HEMK1: variants seen among roughly 807,000 people sequenced by gnomAD.
HEMK1 encodes the protein HemK methyltransferase 1, mitochondrial release factors N(5)-glutamine.
Under a neutral mutation model 47.9 loss-of-function variants are expected in HEMK1, and 36 were observed. The observed-to-expected ratio is 0.75, with a 90% CI of 0.58 to 0.99. HEMK1 has a LOEUF of 0.99. HEMK1 is among the 50% of genes least tolerant of loss of function. The pLI is 0.00. For missense variants in HEMK1, 383 were observed against 434.5 expected (o/e 0.88, Z 1.05); for synonymous variants, 153 against 165.4 (o/e 0.93, Z 0.57).
intron 1 of HEMK1, 174 bp downstream of exon 1, chr3:50,569,748 C>G (rs1027803975): frequency 1.3e-4 from 20 of 152,326 alleles, no homozygotes; most frequent in African/African-American, 4.8e-4. Flanking sequence ...CTTCTGACTT[C>G]GGGCCTTGGC....
At position 50,577,197 on chromosome 3, in the gene HEMK1, C is replaced by T. The variant is rs1701679447; in HGVS notation, c.549+11C>T. 1.9e-6 allele frequency: 3 copies of T among 1,606,764 alleles called. No individual in the cohort carries two copies. The highest frequency in any genetic ancestry group is 2.7e-5 in the African/African-American group (2 of 74,564). On this transcript the variant is annotated intron_variant, in intron 5 of 10. Transcript: ENST00000232854. ...AGCCAGCTCCCCCAGGTGAGCCCCT[C>T]CACCCACTCTGGATAGACTGTGACT...
At chr3:50,579,057 C>T (rs2030310175) in intron 8 of HEMK1, 131 bp downstream of exon 8, 2 of 649,234 alleles carry the variant, frequency 3.1e-6, no homozygotes, top group South Asian at 1.9e-5. Context: ...TAAGTTGACG[C>T]ACTCGAGAGC....
intron 8 of HEMK1, 125 bp from the exon 9 acceptor site, chr3:50,579,719 G>A (rs1198994831): frequency 7.3e-6 from 5 of 685,118 alleles, no homozygotes; most frequent in Non-Finnish European, 1.3e-5. Context: ...TGGGTCCTCA[G>A]ATTTGCCCTT....
Position 50,572,124 on chromosome 3 carries a change from G to A in HEMK1, c.330G>A (p.Val110=), listed in dbSNP as rs547628730. ...GCTGCCCCCTCTGCAGGATGCCGGT[G>A]CAGTACATCCTTGGAGAGTGGGACT... ...LSSRRLQRMP[V]QYILGEWDFQ... The change falls in exon 4 of 11, where the codon GTG becomes GTA. Residue 110 remains valine (V), a synonymous_variant. Coordinates refer to ENST00000232854, the MANE Select transcript of HEMK1 (RefSeq NM_016173.5). The A allele has an allele frequency of 1.3e-4, 214 of 1,613,956 alleles. 1 individual carries two copies. In the South Asian group the frequency reaches 2.2e-3, roughly 16 times the overall value.
At position 50,592,618 on chromosome 3, in the gene HEMK1, C is replaced by T. The variant is rs1336453008; in HGVS notation, c.*12201C>T. The T allele has an allele frequency of 6.6e-6, 1 of 152,278 alleles. No individual in the cohort carries two copies. The highest frequency in any genetic ancestry group is 1.5e-5 in the Non-Finnish European group (1 of 68,094). 9.4% of individuals were successfully genotyped at this position (152,278 alleles called of 1,614,324 possible). A position where few individuals can be genotyped will look rare whatever the true frequency, so the allele number is the denominator to read the frequency against. On this transcript the variant is annotated 3_prime_UTR_variant, in exon 11 of 11. Transcript: ENST00000232854. The stretch of plus-strand genomic sequence containing the variant: ...AAATTGACCCCTAGAGCCTGAGACT[C>T]TGGATGGAGGATCTTCGTAGCTGGG...
chr3:50,582,624 T>C lies in HEMK1; in HGVS notation c.*2207T>C, dbSNP rs1559466319. ...GCACATTGTGGCATTTTTCCTTGCC[T>C]TCCTCGGAGGGCAGACACAGGGAGG... is the stretch of plus-strand genomic sequence containing the variant. On this transcript the variant is annotated 3_prime_UTR_variant, in exon 11 of 11. Coordinates refer to ENST00000232854, the MANE Select transcript of HEMK1 (RefSeq NM_016173.5). 1 of 152,236 alleles carries C rather than the reference T, an allele frequency of 6.6e-6. No homozygotes were observed. Among genetic ancestry groups the C allele is most frequent in the Non-Finnish European group, 1.5e-5 (1 of 68,040 alleles). The allele number at this position is 152,236 out of a possible 1,614,324, so 9.4% of individuals were successfully genotyped here. A position where few individuals can be genotyped will look rare whatever the true frequency, so the allele number is the denominator to read the frequency against.
chr3:50,575,499 G>C (rs968844287), intron 4 of HEMK1, among the ~76,000 whole-genome samples: 4 of 152,202 alleles, frequency 2.6e-5, no homozygotes, highest in African/African-American at 9.6e-5. Flanking sequence ...GCCAGTGTGG[G>C]ACACACTGCG....
In HEMK1 at chr3:50,577,499, C is replaced by A; in HGVS notation, c.550-10C>A. On this transcript the variant is annotated splice_polypyrimidine_tract_variant and intron_variant, in intron 5 of 10. Coordinates refer to ENST00000232854, the MANE Select transcript of HEMK1 (RefSeq NM_016173.5). The stretch of plus-strand genomic sequence containing the variant: ...GCCTTCCACATATCCTCTGTTTGTT[C>A]TTGGGACAGAGCCGAGTCATTGCTG... 1 of 1,613,872 alleles carries A rather than the reference C, an allele frequency of 6.2e-7. No individual in the cohort carries two copies. Among genetic ancestry groups the A allele is most frequent in the Non-Finnish European group, 8.5e-7 (1 of 1,179,732 alleles).
intron 10 of HEMK1, 36 bp downstream of exon 10, chr3:50,580,265 TG>T: frequency 6.2e-7 from 1 of 1,606,666 alleles, no homozygotes. Flanking sequence ...TGTAGCATGC[TG>T]GTCTTTCCAC....
chr3:50,570,250 G>A (rs186320719), intron 1 of HEMK1: 31 of 152,296 alleles, frequency 2.0e-4, no homozygotes, highest in African/African-American at 6.7e-4. Context: ...ACGCTAGTTT[G>A]GACTTTTATC....
rs1486533831 is a variant in HEMK1 at position 50,590,044 on chromosome 3, G to A, written c.*9627G>A. ...TACTAAAAATACAAAAATTAGCTGG[G>A]TGTGGTGGTGGACACCTGTAATCCC... On this transcript the variant is annotated 3_prime_UTR_variant, in exon 11 of 11. Coordinates refer to ENST00000232854, the MANE Select transcript of HEMK1 (RefSeq NM_016173.5). 6.6e-6 allele frequency: 1 copy of A among 151,628 alleles called. No homozygotes were observed. The highest frequency in any genetic ancestry group is 1.5e-5 in the Non-Finnish European group (1 of 67,982). 9.4% of individuals were successfully genotyped at this position (151,628 alleles called of 1,614,324 possible).
rs537322909 is a variant in HEMK1, at chr3:50,573,233, C to T, written c.414+1025C>T. ...CAAGGAAGGGAGCATGGGGGCAGCA[C>T]GTGGACTTCCTGACTCCCAGCTCAG... On this transcript the variant is annotated intron_variant, in intron 4 of 10. Transcript: ENST00000232854. 3.9e-5 allele frequency among the ~76,000 whole-genome samples: 6 copies of T among 152,292 alleles called. No individual in the cohort carries two copies. In the South Asian group the frequency reaches 6.2e-4, roughly 16 times the overall value.
chr3:50,579,033 A>C (rs1424035603), intron 8 of HEMK1, 107 bp downstream of exon 8: 2 of 781,442 alleles, frequency 2.6e-6, no homozygotes, highest in Non-Finnish European at 4.2e-6. Flanking sequence ...TGGTGCTGAA[A>C]TGGGCAATGG....
In HEMK1 at chr3:50,582,943, A is replaced by G. The variant is rs2030988669; in HGVS notation, c.*2526A>G. On this transcript the variant is annotated 3_prime_UTR_variant, in exon 11 of 11. Transcript: ENST00000232854. ...TATCCCCTCCCTTGCTCCTGAGGCC[A>G]AAGCCAGAGACTCGAACAGCCTCCC... 1 of 152,454 alleles carries G rather than the reference A, an allele frequency of 6.6e-6. No individual in the cohort carries two copies. Among genetic ancestry groups the G allele is most frequent in the African/African-American group, 2.4e-5 (1 of 41,456 alleles). The allele number at this position is 152,454 out of a possible 1,614,324, so 9.4% of individuals were successfully genotyped here.
chr3:50,578,955 A>G, intron 8 of HEMK1, 29 bp downstream of exon 8: 2 of 1,484,718 alleles, frequency 1.3e-6, no homozygotes, highest in South Asian at 2.3e-5. Context: ...CAGGGAGGCC[A>G]GGCCTGAAAA....
At chr3:50,572,299 G>T in intron 4 of HEMK1, 91 bp downstream of exon 4, 2 of 1,463,114 alleles carry the variant, frequency 1.4e-6, no homozygotes, top group Non-Finnish European at 1.9e-6. Context: ...GGGGCACTGG[G>T]GCCCCATGAC....
At chr3:50,577,467 C>G in intron 5 of HEMK1, 42 bp from the exon 6 acceptor site, 1 of 1,591,076 alleles carries the variant, frequency 6.3e-7, no homozygotes, top group Non-Finnish European at 8.6e-7. Flanking sequence ...CAGCATCTCT[C>G]AGCATTGCCT....
chr3:50,591,835 TCA>T lies in HEMK1; in HGVS notation c.*11420_*11421del, dbSNP rs2031741821. 6.6e-6 allele frequency: 1 copy of T among 152,216 alleles called. No individual in the cohort carries two copies. The highest frequency in any genetic ancestry group is 1.5e-5 in the Non-Finnish European group (1 of 68,136). The allele number at this position is 152,216 out of a possible 1,614,324, so 9.4% of individuals were successfully genotyped here. A position where few individuals can be genotyped will look rare whatever the true frequency, so the allele number is the denominator to read the frequency against. ...CAAAGATGGGGCTGGGCGTGGTGGCTCACTCCTGTAATCCTAGCACTTTGGGA... is the reference window on the plus strand; with the variant it reads ...CAAAGATGGGGCTGGGCGTGGTGGCTCTCCTGTAATCCTAGCACTTTGGGA... On this transcript the variant is annotated 3_prime_UTR_variant, in exon 11 of 11. Coordinates refer to ENST00000232854, the MANE Select transcript of HEMK1 (RefSeq NM_016173.5).
chr3:50,569,679 G>C (rs1309842970), intron 1 of HEMK1, 105 bp downstream of exon 1: 2 of 152,378 alleles, frequency 1.3e-5, no homozygotes, highest in Non-Finnish European at 2.9e-5. Flanking sequence ...CAGGGTTGGA[G>C]AGAGGGGGCC....
Sources: gnomAD v4.1 joint callset for allele counts (sites outside exome capture counted in the v4.1 genomes callset) on GRCh38, gnomAD v4.1.1 for gene constraint, MANE v1.5 for transcripts, NCBI Gene and HGNC (gene_info 2026-07-23, HGNC 2026-07-21) for gene names.